TACR1: variants seen among roughly 807,000 people sequenced by gnomAD.
TACR1 encodes the protein tachykinin receptor 1, also known as substance-P receptor.
A neutral mutation model predicts 35.8 loss-of-function variants in TACR1; 25 were observed. The observed-to-expected ratio is 0.70, with a 90% CI of 0.51 to 0.98. The LOEUF (loss-of-function observed/expected upper bound fraction) is 0.98, where lower values mean the gene tolerates loss of function less well. TACR1 is among the 50% of genes least tolerant of loss of function. The probability of loss-of-function intolerance (pLI) is 0.00; values close to 1 mark genes in which losing one functional copy is unlikely to be tolerated. For missense variants in TACR1, 478 were observed against 522.9 expected (o/e 0.91, Z 0.84); for synonymous variants, 195 against 206.7 (o/e 0.94, Z 0.48).
intron 1 of TACR1, among the ~76,000 whole-genome samples, chr2:75,160,212 G>A (rs565397126): frequency 6.6e-4 from 99 of 150,936 alleles, no homozygotes; most frequent in African/African-American, 2.4e-3. Flanking sequence ...AATCTCTCCT[G>A]AGCAGACCTT....
intron 2 of TACR1, among the ~76,000 whole-genome samples, chr2:75,076,122 T>A (rs909493494): frequency 6.6e-6 from 1 of 152,234 alleles, no homozygotes; most frequent in Admixed American, 6.5e-5. Flanking sequence ...GCAAGTCTCT[T>A]CCTTCTGTTA....
intron 1 of TACR1, among the ~76,000 whole-genome samples, chr2:75,137,728 CAAAAAAAAAAAAAAAA>C (rs11326632): frequency 8.4e-5 from 4 of 47,518 alleles, no homozygotes; most frequent in Admixed American, 3.7e-4. Context: ...GTCTCCGTCT[CAAAAAAAAAAAAAAAA>C]AAAAAAAAAA....
At chr2:75,189,367 A>G (rs1675790161) in intron 1 of TACR1, 2 of 152,326 alleles carry the variant, frequency 1.3e-5, no homozygotes, top group South Asian at 4.1e-4. Flanking sequence ...TTTTGTTTGT[A>G]TGACTTTGTA....
chr2:75,171,897 G>C (rs1194227687), intron 1 of TACR1, among the ~76,000 whole-genome samples: 1 of 152,202 alleles, frequency 6.6e-6, no homozygotes, highest in Non-Finnish European at 1.5e-5. Context: ...TGTCTCAGAT[G>C]AGACTTTGGA....
intron 1 of TACR1, among the ~76,000 whole-genome samples, chr2:75,130,551 T>C (rs369437329): frequency 1.3e-5 from 2 of 152,248 alleles, no homozygotes; most frequent in South Asian, 2.1e-4. Context: ...GATAGTGCTT[T>C]CTTAGTTAAA....
chr2:75,107,621 A>G (rs1673673817), intron 2 of TACR1, among the ~76,000 whole-genome samples: 1 of 152,010 alleles, frequency 6.6e-6, no homozygotes, highest in African/African-American at 2.4e-5. Context: ...ATTTTTCTAA[A>G]TACCTATTGA....
At chr2:75,153,536 G>A (rs578105374) in intron 1 of TACR1, among the ~76,000 whole-genome samples, 80 of 152,330 alleles carry the variant, frequency 5.3e-4, no homozygotes, top group African/African-American at 1.8e-3. Flanking sequence ...CAGAGCATAA[G>A]GTCTGATGTC....
At chr2:75,193,543 C>G (rs576928876) in intron 1 of TACR1, among the ~76,000 whole-genome samples, 5 of 152,336 alleles carry the variant, frequency 3.3e-5, no homozygotes, top group African/African-American at 1.2e-4. Context: ...TTCCCTGATT[C>G]ACCTGTGAAT....
chr2:75,099,337 A>G (rs1253139570), intron 2 of TACR1, among the ~76,000 whole-genome samples: 2 of 152,136 alleles, frequency 1.3e-5, no homozygotes, highest in Non-Finnish European at 2.9e-5. Flanking sequence ...CATCCTGTCC[A>G]TAAATACCAT....
intron 1 of TACR1, among the ~76,000 whole-genome samples, chr2:75,170,309 T>G (rs1165681852): frequency 1.3e-5 from 2 of 152,214 alleles, no homozygotes; most frequent in African/African-American, 2.4e-5. Context: ...CCTGTTGCCA[T>G]GTAAGACATG....
intron 2 of TACR1, among the ~76,000 whole-genome samples, chr2:75,118,318 A>G (rs1434938774): frequency 3.9e-5 from 6 of 152,242 alleles, no homozygotes; most frequent in Admixed American, 2.0e-4. Flanking sequence ...GTGAATGACA[A>G]ATATACTATT....
rs1230505356 is a variant in TACR1, at chr2:75,120,787, A to G, written c.390-19T>C. 6.3e-7 allele frequency: 1 copy of G among 1,580,012 alleles called. No homozygotes were observed. The highest frequency in any genetic ancestry group is 1.2e-5 in the South Asian group (1 of 85,914). On this transcript the variant is annotated intron_variant, in intron 1 of 4. Coordinates refer to ENST00000305249, the MANE Select transcript of TACR1 (RefSeq NM_001058.4). ...CATGTACCTGGAACAGAGAAGAAAG[A>G]ACAAAGTTCTGATCTGGTCACCAAA...
At chr2:75,117,634 A>T (rs1673892220) in intron 2 of TACR1, among the ~76,000 whole-genome samples, 2 of 152,286 alleles carry the variant, frequency 1.3e-5, no homozygotes, top group South Asian at 4.1e-4. Context: ...GATCCAGATA[A>T]ACCCATCATA....
chr2:75,132,300 T>G (rs755106727), intron 1 of TACR1, among the ~76,000 whole-genome samples: 15 of 152,208 alleles, frequency 9.9e-5, no homozygotes, highest in Non-Finnish European at 2.2e-4. Context: ...ATCTCTTAAA[T>G]CTAACCTTCT....
rs367641353 is a variant in TACR1 at position 75,128,583 on chromosome 2, T to C, written c.390-7815A>G. On this transcript the variant is annotated intron_variant, in intron 1 of 4. Coordinates refer to ENST00000305249, the MANE Select transcript of TACR1 (RefSeq NM_001058.4). The stretch of plus-strand genomic sequence containing the variant: ...ATCGCTGGGATCCTGCCATTCACAA[T>C]AAAATGCTACCCCTCAGGGGTGGGA... Among the ~76,000 whole-genome samples the C allele has an allele frequency of 2.3e-4, 35 of 152,268 alleles. No individual in the cohort carries two copies. In the East Asian group the frequency reaches 2.9e-3, roughly 13 times the overall value.
chr2:75,070,253 ATGTGTGTGTGTGTG>A, intron 2 of TACR1, among the ~76,000 whole-genome samples: 1 of 90,678 alleles, frequency 1.1e-5, no homozygotes, highest in African/African-American at 6.8e-5. Context: ...GTGTGTGTGT[ATGTGTGTGTGTGTG>A]TGTTTTGAGC....
At chr2:75,142,375 G>C (rs1350255513) in intron 1 of TACR1, among the ~76,000 whole-genome samples, 1 of 152,172 alleles carries the variant, frequency 6.6e-6, no homozygotes, top group African/African-American at 2.4e-5. Flanking sequence ...CAGAAGGTTC[G>C]CAGTAAGTTT....
rs534356366 is a variant in TACR1 at position 75,158,220 on chromosome 2, G to A, written c.390-37452C>T. Among the ~76,000 whole-genome samples the A allele has an allele frequency of 7.8e-4, 118 of 152,252 alleles. No individual in the cohort carries two copies. In the Middle Eastern group the frequency reaches 0.014, roughly 18 times the overall value. ...TGAGATCTTCCTATGGACGAAGATC[G>A]AGCATTTATCGGAAAAGCATTACTC... is the stretch of plus-strand genomic sequence containing the variant. On this transcript the variant is annotated intron_variant, in intron 1 of 4. Coordinates refer to ENST00000305249, the MANE Select transcript of TACR1 (RefSeq NM_001058.4).
At chr2:75,144,783 A>C (rs1367939642) in intron 1 of TACR1, among the ~76,000 whole-genome samples, 1 of 152,198 alleles carries the variant, frequency 6.6e-6, no homozygotes, top group Non-Finnish European at 1.5e-5. Flanking sequence ...TGTGAATTCA[A>C]ATTTTAAATT....
Sources: allele counts gnomAD v4.1 joint callset (sites outside exome capture counted in the v4.1 genomes callset), GRCh38; gene constraint gnomAD v4.1.1; transcripts MANE v1.5; gene names NCBI Gene and HGNC (gene_info 2026-07-23, HGNC 2026-07-21).